The following RANBP9 variants were observed in gnomAD, a reference collection of about 807,000 sequenced individuals.
RANBP9 encodes the protein ran-binding protein 9.
In RANBP9, 15 loss-of-function variants were observed where a neutral mutation model predicts 84.3. The observed-to-expected ratio is 0.18, with a 90% CI of 0.12 to 0.27. The LOEUF is 0.27. Among genes scored for constraint, RANBP9 ranks in the 10% least tolerant of loss-of-function variants. The pLI, the probability that RANBP9 is intolerant of heterozygous loss-of-function variation, is 1.00. For missense variants in RANBP9, 809 were observed against 912.8 expected (o/e 0.89, Z 1.46); for synonymous variants, 392 against 349.6 (o/e 1.12, Z -1.35).
chr6:13,626,247 G>C (rs1764599905), intron 12 of RANBP9, among the ~76,000 whole-genome samples: 1 of 152,202 alleles, frequency 6.6e-6, no homozygotes, highest in South Asian at 2.1e-4. Flanking sequence ...CTGCCCTTCA[G>C]GACCTGTTTA....
chr6:13,676,983 A>T (rs1479729573), intron 2 of RANBP9, among the ~76,000 whole-genome samples: 2 of 152,218 alleles, frequency 1.3e-5, no homozygotes, highest in Non-Finnish European at 2.9e-5. Context: ...TACGGCTCTT[A>T]TTCAACATCA....
At chr6:13,666,695 C>T (rs1362996756) in intron 2 of RANBP9, among the ~76,000 whole-genome samples, 1 of 149,074 alleles carries the variant, frequency 6.7e-6, no homozygotes, top group East Asian at 2.0e-4. Context: ...CCTGAGAGGT[C>T]GAGGCTGCAG....
Position 13,632,392 on chromosome 6 carries a change from G to T in RANBP9, c.1925C>A (p.Thr642Asn). 6.2e-7 allele frequency: 1 copy of T among 1,606,674 alleles called. No individual in the cohort carries two copies. Among genetic ancestry groups the T allele is most frequent in the Admixed American group, 1.7e-5 (1 of 58,250 alleles). ...CACCTTCAACATTTTTTTGTTTGCAGTGTTCTTGCCACAGTCTCTCCTTAG... is the reference window on the plus strand; with the variant it reads ...CACCTTCAACATTTTTTTGTTTGCATTGTTCTTGCCACAGTCTCTCCTTAG... Reference protein sequence around the residue: ...EQLRRDCGKNTANKKMLKDAF... With the variant: ...EQLRRDCGKNNANKKMLKDAF... The change falls in exon 12 of 14, where the codon ACT (threonine) becomes AAT (asparagine). Residue 642 changes from threonine (T) to asparagine (N), a missense_variant. Transcript: ENST00000011619.
At chr6:13,710,460 CCT>C (rs934179000) in intron 1 of RANBP9, among the ~76,000 whole-genome samples, 13 of 152,250 alleles carry the variant, frequency 8.5e-5, no homozygotes, top group East Asian at 1.9e-4. Context: ...TACTCCTCCC[CCT>C]GTGTATCCCT....
intron 2 of RANBP9, among the ~76,000 whole-genome samples, chr6:13,667,770 T>TA (rs1373371522): frequency 5.9e-5 from 9 of 152,204 alleles, no homozygotes; most frequent in Non-Finnish European, 4.4e-5. Flanking sequence ...GTATGGTCTA[T>TA]ACCATTTAGG....
intron 1 of RANBP9, among the ~76,000 whole-genome samples, chr6:13,699,310 T>C (rs960001649): frequency 6.6e-6 from 1 of 152,206 alleles, no homozygotes; most frequent in Non-Finnish European, 1.5e-5. Context: ...ATTCTGTAAA[T>C]ATTAAAACTA....
At chr6:13,701,536 G>C (rs868412848) in intron 1 of RANBP9, among the ~76,000 whole-genome samples, 2 of 152,144 alleles carry the variant, frequency 1.3e-5, no homozygotes, top group African/African-American at 4.8e-5. Flanking sequence ...ACTTTGGGAG[G>C]CCAAGGCAGG....
intron 5 of RANBP9, among the ~76,000 whole-genome samples, chr6:13,649,306 AAACAT>A (rs1439867754): frequency 2.0e-5 from 3 of 152,166 alleles, no homozygotes; most frequent in African/African-American, 7.2e-5. Context: ...CTGAGGGAAA[AAACAT>A]AACTGGTGAT....
intron 12 of RANBP9, among the ~76,000 whole-genome samples, chr6:13,632,141 T>G (rs1176313393): frequency 2.7e-5 from 2 of 73,988 alleles, no homozygotes; most frequent in African/African-American, 7.0e-5. Context: ...TTTTTTTTTT[T>G]TTTTTTTTTT....
intron 5 of RANBP9, among the ~76,000 whole-genome samples, chr6:13,645,835 T>A (rs2127766622): frequency 6.6e-6 from 1 of 152,332 alleles, no homozygotes; most frequent in South Asian, 2.1e-4. Flanking sequence ...ATAATTTCTG[T>A]GTGAATATGT....
At chr6:13,664,892 T>C (rs1765613977) in intron 2 of RANBP9, among the ~76,000 whole-genome samples, 1 of 152,166 alleles carries the variant, frequency 6.6e-6, no homozygotes, top group South Asian at 2.1e-4. Flanking sequence ...ATCTAAACAG[T>C]ATGGTACTGG....
chr6:13,625,569 C>T, intron 13 of RANBP9, 84 bp downstream of exon 13: 33 of 808,826 alleles, frequency 4.1e-5, no homozygotes, highest in South Asian at 1.5e-4. Context: ...ATGATTTTAC[C>T]AAAGTGTAAA....
At chr6:13,658,734 A>G in intron 3 of RANBP9, 46 bp downstream of exon 3, 1 of 1,412,704 alleles carries the variant, frequency 7.1e-7, no homozygotes. Flanking sequence ...TTAACCAGAA[A>G]GAGCTACTCA....
intron 2 of RANBP9, among the ~76,000 whole-genome samples, chr6:13,659,704 T>A (rs1177810712): frequency 6.6e-6 from 1 of 152,166 alleles, no homozygotes; most frequent in Non-Finnish European, 1.5e-5. Context: ...TTGATAAAAT[T>A]CGGCCACCAT....
intron 2 of RANBP9, among the ~76,000 whole-genome samples, chr6:13,691,184 T>C (rs1382111617): frequency 6.8e-6 from 1 of 147,580 alleles, no homozygotes; most frequent in Admixed American, 6.8e-5. Context: ...AAAAAAAAAG[T>C]CATGTAGATA....
intron 2 of RANBP9, among the ~76,000 whole-genome samples, chr6:13,665,033 A>AT: frequency 6.6e-6 from 1 of 152,190 alleles, no homozygotes; most frequent in East Asian, 1.9e-4. Flanking sequence ...TTTTGAACAA[A>AT]TAGTAAAAAG....
At chr6:13,685,424 A>C (rs1274396518) in intron 2 of RANBP9, among the ~76,000 whole-genome samples, 2 of 152,158 alleles carry the variant, frequency 1.3e-5, no homozygotes, top group Admixed American at 6.5e-5. Context: ...AAATTCAAAA[A>C]TAAGCCAGGC....
At chr6:13,671,670 G>A (rs1265194445) in intron 2 of RANBP9, among the ~76,000 whole-genome samples, 1 of 152,080 alleles carries the variant, frequency 6.6e-6, no homozygotes, top group Non-Finnish European at 1.5e-5. Context: ...TTTTTCAGGT[G>A]ACAAAAATGT....
At chr6:13,626,633 A>G (rs1764613283) in intron 12 of RANBP9, among the ~76,000 whole-genome samples, 1 of 152,240 alleles carries the variant, frequency 6.6e-6, no homozygotes, top group Non-Finnish European at 1.5e-5. Context: ...TACAAATATA[A>G]AAATAGAGAA....
Sources: allele counts gnomAD v4.1 joint callset (sites outside exome capture counted in the v4.1 genomes callset), GRCh38; gene constraint gnomAD v4.1.1; transcripts MANE v1.5; gene names NCBI Gene and HGNC (gene_info 2026-07-23, HGNC 2026-07-21).